The following AVL9 variants were observed in gnomAD, a reference collection of about 807,000 sequenced individuals.
The protein encoded by AVL9 is late secretory pathway protein AVL9 homolog.
A neutral mutation model predicts 79.2 loss-of-function variants in AVL9; 49 were observed. The ratio of observed to expected loss-of-function variants is 0.62; its 90% CI spans 0.49 to 0.79. The LOEUF (loss-of-function observed/expected upper bound fraction) is 0.79, where lower values mean the gene tolerates loss of function less well. AVL9 is among the 30% of genes least tolerant of loss of function. The probability of loss-of-function intolerance (pLI) is 0.00; values close to 1 mark genes in which losing one functional copy is unlikely to be tolerated. For missense variants in AVL9, 682 were observed against 776.8 expected (o/e 0.88, Z 1.45); for synonymous variants, 299 against 280.6 (o/e 1.07, Z -0.65).
At chr7:32,528,486 G>A (rs796282912) in intron 1 of AVL9, among the ~76,000 whole-genome samples, 7 of 152,250 alleles carry the variant, frequency 4.6e-5, no homozygotes, top group African/African-American at 1.7e-4. Context: ...TGGCAACCCA[G>A]GTGGGATGAA....
chr7:32,582,904 G>A (rs985774473), intron 15 of AVL9, among the ~76,000 whole-genome samples: 3 of 151,966 alleles, frequency 2.0e-5, no homozygotes, highest in African/African-American at 7.3e-5. Flanking sequence ...AGGCTGTCTC[G>A]AATTCTTGGA....
intron 1 of AVL9, among the ~76,000 whole-genome samples, chr7:32,510,136 T>A (rs1048079064): frequency 6.7e-6 from 1 of 149,324 alleles, no homozygotes; most frequent in African/African-American, 2.5e-5. Flanking sequence ...GGTCTGGTGG[T>A]GGGAGTCCAC....
chr7:32,535,278 C>T (rs67334549), intron 1 of AVL9: 35,498 of 152,124 alleles, frequency 0.23, 4,919 homozygotes, highest in Admixed American at 0.34. Context: ...CCACTGAGCT[C>T]CTTCATCAGC....
intron 8 of AVL9, 45 bp from the exon 9 acceptor site, chr7:32,558,514 G>A (rs776220374): frequency 8.8e-6 from 12 of 1,369,802 alleles, no homozygotes; most frequent in Middle Eastern, 2.0e-4. Context: ...CATTATGGAC[G>A]GCTTCATGGG....
chr7:32,538,376 A>G (rs1789012928), intron 1 of AVL9: 1 of 152,244 alleles, frequency 6.6e-6, no homozygotes, highest in African/African-American at 2.4e-5. Flanking sequence ...AAAAATAATT[A>G]AAAGTAGAGG....
intron 12 of AVL9, among the ~76,000 whole-genome samples, 158 bp from the exon 13 acceptor site, chr7:32,575,797 G>A (rs1254775701): frequency 6.6e-6 from 1 of 152,112 alleles, no homozygotes; most frequent in Admixed American, 6.6e-5. Flanking sequence ...AGGATTTCTG[G>A]AACTAGACCC....
chr7:32,558,038 T>A (rs571184733), intron 8 of AVL9, among the ~76,000 whole-genome samples: 1 of 151,286 alleles, frequency 6.6e-6, no homozygotes, highest in East Asian at 1.9e-4. Flanking sequence ...GTACTTTTAG[T>A]AGAGACGGGG....
intron 1 of AVL9, among the ~76,000 whole-genome samples, chr7:32,504,787 G>GA (rs1342004089): frequency 6.6e-6 from 1 of 152,198 alleles, no homozygotes; most frequent in Non-Finnish European, 1.5e-5. Flanking sequence ...CTGGGATGGT[G>GA]AAAAATCTGT....
At chr7:32,506,314 C>T (rs531766497) in intron 1 of AVL9, among the ~76,000 whole-genome samples, 64 of 152,228 alleles carry the variant, frequency 4.2e-4, no homozygotes, top group African/African-American at 1.5e-3. Flanking sequence ...CATCACTACT[C>T]TTGGGCTTTG....
rs1405181467 is a variant in AVL9, at chr7:32,548,860, G to A, written c.314G>A (p.Arg105Lys). The A allele has an allele frequency of 1.9e-6, 3 of 1,573,498 alleles. No individual in the cohort carries two copies. The highest frequency in any genetic ancestry group is 3.7e-5 in the Admixed American group (2 of 53,656). Residue 105 changes from arginine to lysine, a missense_variant, in exon 4 of 16, where the codon AGG becomes AAG. Coordinates refer to ENST00000318709, the MANE Select transcript of AVL9 (RefSeq NM_015060.3). ...TGTTCATAATAGGCACTGAAAGTAA[G>A]GCAAGCAGATATCACCAGAGAGACT... ...RQIEAKALKVRQADITRETVQ... is the reference protein window; with the variant it reads ...RQIEAKALKVKQADITRETVQ...
At position 32,502,406 on chromosome 7, in the gene AVL9, A is replaced by AAAAAAAG. The variant is rs201243248; in HGVS notation, c.93+6607_93+6608insAAAGAAA. ...AAACCCTTTCTCAAAAAAAAAAAAA[A>AAAAAAAG]AAAGAAAGAAAAGGTATCAAACCAT... On this transcript the variant is annotated intron_variant, in intron 1 of 15. Transcript: ENST00000318709. 6.3e-4 allele frequency among the ~76,000 whole-genome samples: 88 copies of AAAAAAAG among 140,172 alleles called. 1 individual carries two copies. Among genetic ancestry groups the AAAAAAAG allele is most frequent in the Non-Finnish European group, 8.4e-4 (55 of 65,308 alleles). The allele number at this position is 140,172 out of a possible 152,430, so 92.0% of individuals were successfully genotyped here. A position where few individuals can be genotyped will look rare whatever the true frequency, so the allele number is the denominator to read the frequency against.
At chr7:32,580,728 T>C (rs1225085503) in intron 14 of AVL9, 74 bp from the exon 15 acceptor site, 2 of 957,552 alleles carry the variant, frequency 2.1e-6, no homozygotes, top group Non-Finnish European at 3.3e-6. Context: ...TGTGTGTCTA[T>C]ATGTGTCTGT....
intron 15 of AVL9, chr7:32,581,641 G>A (rs1459047638): frequency 2.0e-5 from 3 of 152,138 alleles, no homozygotes; most frequent in Non-Finnish European, 4.4e-5. Context: ...AGACCAGCCT[G>A]GGCAACATAG....
At chr7:32,524,850 A>G (rs540079943) in intron 1 of AVL9, among the ~76,000 whole-genome samples, 5 of 152,282 alleles carry the variant, frequency 3.3e-5, no homozygotes, top group African/African-American at 1.2e-4. Flanking sequence ...CTTGAGGGGC[A>G]TGTACTGTCT....
intron 3 of AVL9, among the ~76,000 whole-genome samples, chr7:32,547,669 A>G (rs1203175552): frequency 6.6e-6 from 1 of 152,204 alleles, no homozygotes; most frequent in Non-Finnish European, 1.5e-5. Context: ...TCAATAGATA[A>G]TAGGCAATAG....
chr7:32,573,427 C>A lies in AVL9; in HGVS notation c.1570+9C>A. 2.5e-6 allele frequency: 4 copies of A among 1,605,594 alleles called. No individual in the cohort carries two copies. The highest frequency in any genetic ancestry group is 3.4e-6 in the Non-Finnish European group (4 of 1,172,616). On this transcript the variant is annotated intron_variant, in intron 12 of 15. Transcript: ENST00000318709. ...TGCCACACTGCAATTAGGTAAGAAA[C>A]CACACGGAGCCTACAGCTACCTGTT...
intron 1 of AVL9, among the ~76,000 whole-genome samples, chr7:32,542,512 T>C (rs1245032510): frequency 6.6e-6 from 1 of 151,932 alleles, no homozygotes; most frequent in African/African-American, 2.4e-5. Context: ...GCTGAGATCA[T>C]GCCACTGCAC....
chr7:32,559,559 G>A (rs1790242535), intron 10 of AVL9, 95 bp downstream of exon 10: 53 of 1,333,646 alleles, frequency 4.0e-5, no homozygotes, highest in Non-Finnish European at 4.6e-5. Flanking sequence ...CACATTTTCA[G>A]GTGGAAAAAT....
rs1224975440 is a variant in AVL9, at chr7:32,505,290, C to T, written c.93+9488C>T. On this transcript the variant is annotated intron_variant, in intron 1 of 15. Transcript: ENST00000318709. ...CCTGTAATCCCAGCACTTTGGGAGG[C>T]CAAGGCGGGCAGATCACAAGGTCAG... 1.3e-5 allele frequency among the ~76,000 whole-genome samples: 2 copies of T among 151,684 alleles called. 1 individual carries two copies. The highest frequency in any genetic ancestry group is 1.3e-4 in the Admixed American group (2 of 15,204).
Sources: gnomAD v4.1 joint callset for allele counts (sites outside exome capture counted in the v4.1 genomes callset) on GRCh38, gnomAD v4.1.1 for gene constraint, MANE v1.5 for transcripts, NCBI Gene and HGNC (gene_info 2026-07-23, HGNC 2026-07-21) for gene names.